The following DOCK4 variants were observed in gnomAD, a reference collection of about 807,000 sequenced individuals.
DOCK4 encodes the protein dedicator of cytokinesis 4.
In DOCK4, 97 loss-of-function variants were observed where a neutral mutation model predicts 268.1. The observed-to-expected ratio is 0.36, with a 90% CI of 0.31 to 0.43. The LOEUF (loss-of-function observed/expected upper bound fraction) is 0.43. Among genes scored for constraint, DOCK4 ranks in the 20% least tolerant of loss-of-function variants. The pLI, the probability that DOCK4 is intolerant of heterozygous loss-of-function variation, is 1.00. For missense variants in DOCK4, 2,145 were observed against 2,455.7 expected (o/e 0.87, Z 2.67); for synonymous variants, 954 against 887.2 (o/e 1.08, Z -1.34).
intron 17 of DOCK4, among the ~76,000 whole-genome samples, chr7:111,874,364 G>A (rs1806668401): frequency 6.6e-6 from 1 of 152,124 alleles, no homozygotes; most frequent in African/African-American, 2.4e-5. Context: ...AGTGGAGAAT[G>A]AGGACTAGGG....
intron 1 of DOCK4, among the ~76,000 whole-genome samples, chr7:112,110,284 AG>A (rs1194689729): frequency 3.9e-5 from 6 of 152,372 alleles, no homozygotes; most frequent in Admixed American, 3.9e-4. Context: ...TTTGATTAAA[AG>A]TCCAAGATGA....
chr7:111,940,167 C>T lies in DOCK4; in HGVS notation c.920G>A (p.Ser307Asn), dbSNP rs1795093204. The T allele has an allele frequency of 1.9e-6, 3 of 1,614,006 alleles. No homozygotes were observed. The South Asian group carries it at 3.3e-5, about 18-fold the overall frequency. ...YRRPFGCAVL[S>N]IADLLTGETK... ...CTCTCCTGTTAGCAGGTCAGCGATG[C>T]TAAGAACTGCACAGCCAAAGGGTCG... The change falls in exon 11 of 53, where the codon AGC becomes AAC. Residue 307 changes from serine to asparagine, a missense_variant. Physicochemically the swap from Ser to Asn is conservative, Grantham distance 46. This residue lies in a region of DOCK4 where 1,598 missense variants were observed against 1,986.7 expected (regional missense o/e 0.80). Transcript: ENST00000428084.
chr7:111,762,631 T>C (rs12535961), intron 39 of DOCK4, among the ~76,000 whole-genome samples: 1 of 151,872 alleles, frequency 6.6e-6, no homozygotes, highest in Non-Finnish European at 1.5e-5. Flanking sequence ...TTGGCTATTA[T>C]GAATAATGCT....
intron 31 of DOCK4, 133 bp downstream of exon 31, chr7:111,790,324 G>T: frequency 9.6e-7 from 1 of 1,041,196 alleles, no homozygotes. Flanking sequence ...GCTTGGGAGT[G>T]GATAGGCCAG....
At chr7:111,846,492 A>G (rs530531182) in intron 24 of DOCK4, among the ~76,000 whole-genome samples, 2 of 152,320 alleles carry the variant, frequency 1.3e-5, no homozygotes, top group East Asian at 1.9e-4. Flanking sequence ...CCCCAAATCC[A>G]TAACAATTTG....
At chr7:111,734,330 G>A (rs946746445) in intron 51 of DOCK4, among the ~76,000 whole-genome samples, 24 of 152,244 alleles carry the variant, frequency 1.6e-4, no homozygotes, top group African/African-American at 5.3e-4. Context: ...GGGACTACAG[G>A]TGTGTACCAC....
At chr7:111,988,771 C>T (rs1799254480) in intron 6 of DOCK4, among the ~76,000 whole-genome samples, 2 of 152,216 alleles carry the variant, frequency 1.3e-5, no homozygotes, top group Non-Finnish European at 2.9e-5. Context: ...TTTCCATGAG[C>T]ATGTCCACAC....
At chr7:112,169,681 C>A (rs1249997877) in intron 1 of DOCK4, among the ~76,000 whole-genome samples, 1 of 152,136 alleles carries the variant, frequency 6.6e-6, no homozygotes, top group Non-Finnish European at 1.5e-5. Context: ...TCTCGTGTAG[C>A]CTTTAGTGAG....
chr7:111,872,463 A>G lies in DOCK4; in HGVS notation c.1842+4T>C. The G allele has an allele frequency of 6.3e-7, 1 of 1,578,256 alleles. No individual in the cohort carries two copies. Among genetic ancestry groups the G allele is most frequent in the Admixed American group, 1.8e-5 (1 of 55,364 alleles). On this transcript the variant is annotated splice_donor_region_variant and intron_variant, in intron 18 of 52. Transcript: ENST00000428084. ...AAGGAAAATAGTAATGAAATACTAT[A>G]TACCTTTACTATCTCTGAGCCATCA... is the stretch of plus-strand genomic sequence containing the variant.
intron 30 of DOCK4, chr7:111,808,189 T>C (rs1025550307): frequency 2.6e-5 from 4 of 152,196 alleles, no homozygotes; most frequent in Non-Finnish European, 5.9e-5. Context: ...TATAAATCTC[T>C]AGAAAGGGAC....
intron 30 of DOCK4, among the ~76,000 whole-genome samples, chr7:111,802,264 G>C (rs929508811): frequency 6.6e-6 from 1 of 152,010 alleles, no homozygotes; most frequent in African/African-American, 2.4e-5. Flanking sequence ...AAGACAAAAG[G>C]GGGAAGAAAA....
chr7:111,797,400 G>A (rs919545446), intron 30 of DOCK4, among the ~76,000 whole-genome samples: 1 of 152,140 alleles, frequency 6.6e-6, no homozygotes, highest in African/African-American at 2.4e-5. Context: ...ACCCTAATAG[G>A]TATATAGAAG....
In DOCK4 at chr7:111,901,893, T is replaced by A; in HGVS notation, c.1193-92A>T. ...AAGAAAAACTTTAGTTTATACAATATACTGCTATACATACATATAAAAGTA... is the reference window on the plus strand; with the variant it reads ...AAGAAAAACTTTAGTTTATACAATAAACTGCTATACATACATATAAAAGTA... On this transcript the variant is annotated intron_variant, in intron 13 of 52. Transcript: ENST00000428084. The A allele has an allele frequency of 1.6e-5, 14 of 887,680 alleles. No individual in the cohort carries two copies. The South Asian group carries it at 2.3e-4, about 15-fold the overall frequency. 55.0% of individuals were successfully genotyped at this position (887,680 alleles called of 1,614,324 possible).
intron 16 of DOCK4, among the ~76,000 whole-genome samples, chr7:111,889,304 A>G (rs1808101341): frequency 6.6e-6 from 1 of 152,146 alleles, no homozygotes; most frequent in South Asian, 2.1e-4. Flanking sequence ...GAAGACAGAT[A>G]TGTTCCTGGC....
At chr7:112,171,070 A>G (rs770257637) in intron 1 of DOCK4, among the ~76,000 whole-genome samples, 5 of 152,212 alleles carry the variant, frequency 3.3e-5, no homozygotes, top group Non-Finnish European at 5.9e-5. Context: ...AGGACACAAT[A>G]AGTATTTCCA....
chr7:112,170,622 A>G (rs945053005), intron 1 of DOCK4, among the ~76,000 whole-genome samples: 1 of 152,218 alleles, frequency 6.6e-6, no homozygotes, highest in Non-Finnish European at 1.5e-5. Flanking sequence ...TATATTCAGA[A>G]TACTCTAAGA....
chr7:112,161,305 T>C (rs1817102625), intron 1 of DOCK4, among the ~76,000 whole-genome samples: 1 of 152,206 alleles, frequency 6.6e-6, no homozygotes, highest in Non-Finnish European at 1.5e-5. Flanking sequence ...TGTATGCCCA[T>C]TGCAAAATCC....
intron 12 of DOCK4, among the ~76,000 whole-genome samples, chr7:111,925,359 T>C (rs1416771602): frequency 6.6e-6 from 1 of 152,120 alleles, no homozygotes; most frequent in African/African-American, 2.4e-5. Context: ...GTATTTACAC[T>C]GGGAGGTCAG....
intron 10 of DOCK4, 44 bp downstream of exon 10, chr7:111,944,767 T>C (rs763903815): frequency 6.4e-7 from 1 of 1,561,234 alleles, no homozygotes; most frequent in Non-Finnish European, 8.8e-7. Flanking sequence ...GCATTTCTCC[T>C]CTCTGTTCCT....
Sources: gnomAD v4.1 joint callset for allele counts (sites outside exome capture counted in the v4.1 genomes callset) on GRCh38, gnomAD v4.1.1 for gene constraint, gnomAD v4.1.1 regional missense constraint, MANE v1.5 for transcripts, NCBI Gene and HGNC (gene_info 2026-07-23, HGNC 2026-07-21) for gene names.